The following GABRA2 variants were observed in gnomAD, a reference collection of about 807,000 sequenced individuals.
GABRA2 encodes the protein gamma-aminobutyric acid receptor subunit alpha-2.
Under a neutral mutation model 48.7 loss-of-function variants are expected in GABRA2, and 16 were observed. That is an observed-to-expected ratio of 0.33 (90% CI 0.22 to 0.50). The LOEUF is 0.50. Among genes scored for constraint, GABRA2 ranks in the 20% least tolerant of loss-of-function variants. The probability of loss-of-function intolerance (pLI) is 0.98; values close to 1 mark genes in which losing one functional copy is unlikely to be tolerated. For synonymous variants in GABRA2, 185 were observed against 184.5 expected (o/e 1.00, Z -0.02); for missense variants, 275 against 535.6 (o/e 0.51, Z 4.80).
rs374380091 is a variant in GABRA2, at chr4:46,357,011, G to T, written c.188-24329C>A. On this transcript the variant is annotated intron_variant, in intron 3 of 9. Transcript: ENST00000381620. ...TTTTTTGTTTTGTTTTGTTTTTGTT[G>T]TTGTTGTTTGTTTGTTTTTTGCTTC... 4.7e-3 allele frequency among the ~76,000 whole-genome samples: 710 copies of T among 151,232 alleles called. 6 individuals are homozygous for T. The highest frequency in any genetic ancestry group is 0.017 in the African/African-American group (685 of 41,194).
chr4:46,292,481 G>A (rs1006375812), intron 8 of GABRA2, among the ~76,000 whole-genome samples: 14 of 152,312 alleles, frequency 9.2e-5, no homozygotes, highest in Middle Eastern at 6.8e-3. Flanking sequence ...CCCTGAGGAA[G>A]CTGAGAACAC....
chr4:46,390,021 G>A lies in GABRA2; in HGVS notation c.-297C>T. On this transcript the variant is annotated 5_prime_UTR_variant, in exon 1 of 10. Transcript: ENST00000381620. ...AGGAGGAAGAGGAGGAGGAGGAAGAGGAGGAGGGGGAAAACGATGACAGGA... is the reference window on the plus strand; with the variant it reads ...AGGAGGAAGAGGAGGAGGAGGAAGAAGAGGAGGGGGAAAACGATGACAGGA... 1.1e-6 allele frequency: 1 copy of A among 928,460 alleles called. No homozygotes were observed. The highest frequency in any genetic ancestry group is 1.3e-6 in the Non-Finnish European group (1 of 787,234). 57.5% of individuals were successfully genotyped at this position (928,460 alleles called of 1,614,324 possible). A position where few individuals can be genotyped will look rare whatever the true frequency, so the allele number is the denominator to read the frequency against.
chr4:46,336,401 T>C (rs1732241513), intron 3 of GABRA2, among the ~76,000 whole-genome samples: 1 of 152,144 alleles, frequency 6.6e-6, no homozygotes, highest in Admixed American at 6.6e-5. Flanking sequence ...CAGCACTGAT[T>C]CACTGCAAAC....
chr4:46,343,267 T>C (rs1021178354), intron 3 of GABRA2, among the ~76,000 whole-genome samples: 1 of 152,012 alleles, frequency 6.6e-6, no homozygotes. Context: ...CAAAGATAGA[T>C]TTTTCTACTG....
rs181462326 is a variant in GABRA2, at chr4:46,326,234, C to T, written c.255+6381G>A. ...ACCAAGAAAGCTATGACTGCATGTA[C>T]TAAGTTCCTACAACCCTCCTTCCCC... On this transcript the variant is annotated intron_variant, in intron 4 of 9. Transcript: ENST00000381620. Among the ~76,000 whole-genome samples the T allele has an allele frequency of 1.8e-3, 268 of 152,052 alleles. 2 individuals are homozygous for T. Among genetic ancestry groups the T allele is most frequent in the Admixed American group, 2.6e-3 (39 of 15,222 alleles).
intron 3 of GABRA2, among the ~76,000 whole-genome samples, chr4:46,378,756 G>A (rs1357288374): frequency 6.6e-6 from 1 of 151,990 alleles, no homozygotes; most frequent in Non-Finnish European, 1.5e-5. Context: ...GAACCCGGGA[G>A]GTGGAGGCCA....
intron 3 of GABRA2, among the ~76,000 whole-genome samples, chr4:46,379,885 A>G (rs1031487719): frequency 2.0e-5 from 3 of 151,946 alleles, no homozygotes; most frequent in African/African-American, 7.3e-5. Flanking sequence ...CTTGCAACCT[A>G]CCTTTCCCTA....
rs1425383402 is a variant in GABRA2 at position 46,245,896 on chromosome 4, T to G, written c.*4412A>C. Among the ~76,000 whole-genome samples the G allele has an allele frequency of 6.6e-6, 1 of 151,196 alleles. No homozygotes were observed. The highest frequency in any genetic ancestry group is 1.5e-5 in the Non-Finnish European group (1 of 67,418). ...GACGTATAACCACCTTTATAAGTAT[T>G]TCTTCATATATAAACAAACAAAAAT... On this transcript the variant is annotated 3_prime_UTR_variant, in exon 10 of 10. Coordinates refer to ENST00000381620, the MANE Select transcript of GABRA2 (RefSeq NM_000807.4).
At chr4:46,345,485 C>A (rs1733995543) in intron 3 of GABRA2, among the ~76,000 whole-genome samples, 2 of 151,750 alleles carry the variant, frequency 1.3e-5, no homozygotes, top group African/African-American at 4.8e-5. Context: ...CTGAGAGCAA[C>A]TAGCAATTAG....
chr4:46,345,212 C>A (rs564357369), intron 3 of GABRA2, among the ~76,000 whole-genome samples: 1 of 152,038 alleles, frequency 6.6e-6, no homozygotes, highest in South Asian at 2.1e-4. Context: ...TCTGAGGCCT[C>A]CCCAGCCCTG....
chr4:46,251,130 A>T (rs771883021), intron 9 of GABRA2, among the ~76,000 whole-genome samples: 1 of 151,456 alleles, frequency 6.6e-6, no homozygotes, highest in Non-Finnish European at 1.5e-5. Flanking sequence ...AGAAACACAG[A>T]AGGAGAATAA....
chr4:46,389,628 C>T (rs1260214734), intron 1 of GABRA2, 107 bp downstream of exon 1: 4 of 644,074 alleles, frequency 6.2e-6, no homozygotes, highest in African/African-American at 2.0e-5. Flanking sequence ...GAGCCTCCTC[C>T]GTTTCCAGGG....
Position 46,305,553 on chromosome 4 carries a change from A to G in GABRA2, c.703+15T>C, listed in dbSNP as rs1206583745. The G allele has an allele frequency of 2.5e-6, 4 of 1,608,086 alleles. No homozygotes were observed. In the African/African-American group the frequency reaches 4.0e-5, roughly 16 times the overall value. The stretch of plus-strand genomic sequence containing the variant: ...TTCTTAGGCACCAGCTTTTTTAAAG[A>G]CTAATTTTACTAACCTGTACTGGAT... On this transcript the variant is annotated intron_variant, in intron 7 of 9. Transcript: ENST00000381620.
chr4:46,351,009 C>T (rs1247700494), intron 3 of GABRA2, among the ~76,000 whole-genome samples: 1 of 151,794 alleles, frequency 6.6e-6, no homozygotes, highest in East Asian at 1.9e-4. Flanking sequence ...CCAGACCATC[C>T]TTATATCTAT....
intron 8 of GABRA2, among the ~76,000 whole-genome samples, chr4:46,290,631 C>T (rs971776571): frequency 2.0e-5 from 3 of 151,904 alleles, no homozygotes; most frequent in Admixed American, 6.6e-5. Context: ...TCTACAATAT[C>T]GTTAAAATTG....
chr4:46,266,477 G>A (rs989280292), intron 8 of GABRA2, among the ~76,000 whole-genome samples: 6 of 150,414 alleles, frequency 4.0e-5, no homozygotes, highest in Non-Finnish European at 7.4e-5. Flanking sequence ...GGTTTTTGAT[G>A]ATTTTTTAGG....
At chr4:46,304,803 A>G (rs1479343229) in intron 7 of GABRA2, among the ~76,000 whole-genome samples, 1 of 151,106 alleles carries the variant, frequency 6.6e-6, no homozygotes, top group Non-Finnish European at 1.5e-5. Flanking sequence ...TGGTGCGCCT[A>G]TAGTCCCAGC....
intron 8 of GABRA2, among the ~76,000 whole-genome samples, chr4:46,300,970 C>A (rs1300409853): frequency 6.6e-6 from 1 of 152,024 alleles, no homozygotes; most frequent in East Asian, 1.9e-4. Context: ...TCATATCTTT[C>A]TAGAATACAA....
rs748789847 is a variant in GABRA2 at position 46,261,932 on chromosome 4, A to G, written c.1053T>C (p.Asn351=). ...GWAWDGKSVV[N]DKKKEKASVM... is the part of the protein sequence containing the mutation. ...CACGGAAGCTCTCACTTACCTTGTC[A>G]TTTACTACACTCTTCCCATCCCAAG... Residue 351 remains asparagine, a synonymous_variant, in exon 9 of 10, where the codon AAT becomes AAC. Coordinates refer to ENST00000381620, the MANE Select transcript of GABRA2 (RefSeq NM_000807.4). 5 of 1,613,032 alleles carry G rather than the reference A, an allele frequency of 3.1e-6. No individual in the cohort carries two copies. Among genetic ancestry groups the G allele is most frequent in the Non-Finnish European group, 4.2e-6 (5 of 1,179,258 alleles).
Sources: allele counts gnomAD v4.1 joint callset (sites outside exome capture counted in the v4.1 genomes callset), GRCh38; gene constraint gnomAD v4.1.1; transcripts MANE v1.5; gene names NCBI Gene and HGNC (gene_info 2026-07-23, HGNC 2026-07-21).